The following C5 variants were observed in gnomAD, a reference collection of about 807,000 sequenced individuals.
C5 encodes complement C5.
In C5, 140 loss-of-function variants were observed where a neutral mutation model predicts 218.8. The ratio of observed to expected loss-of-function variants is 0.64; its 90% CI spans 0.56 to 0.74. The LOEUF is 0.74. C5 is among the 30% of genes least tolerant of loss of function. The pLI, the probability that C5 is intolerant of heterozygous loss-of-function variation, is 0.00. For missense variants in C5, 1,700 were observed against 1,969.6 expected, an observed-to-expected ratio of 0.86 and a Z score of 2.59; for synonymous variants, 614 against 682.3, an observed-to-expected ratio of 0.90 and a Z score of 1.56.
chr9:120,970,371 A>C lies in C5; in HGVS notation c.4081-120T>G, dbSNP rs565230736. On this transcript the variant is annotated intron_variant, in intron 31 of 40. Transcript: ENST00000223642. ...AAGGATCATTTTCATAATCCAGCAC[A>C]AATGGTGTACATTAGTGACTCATTT... is the stretch of plus-strand genomic sequence containing the variant. 3,969 of 732,668 alleles carry C rather than the reference A, an allele frequency of 5.4e-3. 163 individuals are homozygous for C. In the South Asian group the frequency reaches 0.056, roughly 10 times the overall value. The allele number at this position is 732,668 out of a possible 1,614,324, so 45.4% of individuals were successfully genotyped here.
At chr9:121,052,420 C>T (rs954093271), upstream of C5, among the ~76,000 whole-genome samples, 2 of 148,410 alleles carry the variant, frequency 1.3e-5, no homozygotes, top group Non-Finnish European at 3.0e-5. Context: ...CCACCGCACT[C>T]CAGCCTGAGC....
chr9:121,060,954 G>C, the C5 span, among the ~76,000 whole-genome samples: 3 of 152,088 alleles, frequency 2.0e-5, no homozygotes, highest in African/African-American at 7.2e-5. Context: ...TTGGGATGTC[G>C]AGGCAGGCAG....
At chr9:121,055,018 A>C (rs1241174287), upstream of C5, among the ~76,000 whole-genome samples, 1 of 152,128 alleles carries the variant, frequency 6.6e-6, no homozygotes, top group Non-Finnish European at 1.5e-5. Flanking sequence ...TTAAGCCTTT[A>C]GACAATAGCT....
chr9:120,960,948 T>C (rs889570309), intron 37 of C5, among the ~76,000 whole-genome samples: 9 of 152,182 alleles, frequency 5.9e-5, no homozygotes, highest in African/African-American at 2.2e-4. Flanking sequence ...AATGGCACAA[T>C]AAGTACCTAG....
At chr9:120,955,308 T>G (rs879351752) in intron 39 of C5, among the ~76,000 whole-genome samples, 2 of 152,166 alleles carry the variant, frequency 1.3e-5, no homozygotes, top group African/African-American at 2.4e-5. Context: ...AAATGCATCT[T>G]TGGATCTACA....
intron 20 of C5, chr9:120,999,535 C>A (rs1011588182): frequency 1.0e-5 from 2 of 190,830 alleles, no homozygotes; most frequent in African/African-American, 4.8e-5. Flanking sequence ...GACCTATGCA[C>A]AGCACAGATT....
chr9:121,037,830 C>G (rs1466036143), intron 4 of C5, 51 bp downstream of exon 4: 1 of 815,316 alleles, frequency 1.2e-6, no homozygotes, highest in South Asian at 1.7e-5. Flanking sequence ...AAATGAGATT[C>G]TTGTCCTGAA....
chr9:121,028,854 T>C (rs10156396), intron 7 of C5, among the ~76,000 whole-genome samples: 114,038 of 152,022 alleles, frequency 0.75, 43,220 homozygotes, highest in East Asian at 0.99. Flanking sequence ...ATAAATAAAG[T>C]GTCCTTCATG....
intron 38 of C5, among the ~76,000 whole-genome samples, chr9:120,959,260 CTTT>C (rs1564130646): frequency 1.7e-5 from 2 of 119,652 alleles, no homozygotes; most frequent in Non-Finnish European, 3.2e-5. Flanking sequence ...TTCTTTCTTT[CTTT>C]CTTTTTTTTT....
At chr9:121,055,079 A>G (rs1468284280), upstream of C5, among the ~76,000 whole-genome samples, 1 of 151,404 alleles carries the variant, frequency 6.6e-6, no homozygotes, top group Non-Finnish European at 1.5e-5. Context: ...CCCACCTATA[A>G]CTACTAAGTC....
intron 17 of C5, among the ~76,000 whole-genome samples, chr9:121,011,924 A>G (rs975881297): frequency 6.6e-6 from 1 of 152,166 alleles, no homozygotes; most frequent in Non-Finnish European, 1.5e-5. Flanking sequence ...GCTAAAAATC[A>G]AAACAATTTA....
In C5 at chr9:120,952,548, C is replaced by G; in HGVS notation, c.*191G>C. On this transcript the variant is annotated 3_prime_UTR_variant, in exon 41 of 41. Coordinates refer to ENST00000223642, the MANE Select transcript of C5 (RefSeq NM_001735.3). ...GTATCTGTCTTCATGCCCTCCAAGG[C>G]CATGTTATTTCAGAAAGTTACAGCA... 1 of 536,228 alleles carries G rather than the reference C, an allele frequency of 1.9e-6. No individual in the cohort carries two copies. The highest frequency in any genetic ancestry group is 3.3e-6 in the Non-Finnish European group (1 of 303,270). 33.2% of individuals were successfully genotyped at this position (536,228 alleles called of 1,614,324 possible). A position where few individuals can be genotyped will look rare whatever the true frequency, so the allele number is the denominator to read the frequency against.
chr9:120,996,201 C>G (rs1347416889), intron 22 of C5, 39 bp downstream of exon 22: 2 of 1,433,590 alleles, frequency 1.4e-6, no homozygotes, highest in Middle Eastern at 1.8e-4. Flanking sequence ...ACTTCTAAAG[C>G]AAAAGATAAC....
At chr9:120,956,012 G>A (rs1239048410) in intron 39 of C5, among the ~76,000 whole-genome samples, 1 of 152,044 alleles carries the variant, frequency 6.6e-6, no homozygotes, top group East Asian at 1.9e-4. Flanking sequence ...CAATCGAAAT[G>A]AGGCCAGGCA....
chr9:120,995,008 C>T (rs985967296), intron 22 of C5, among the ~76,000 whole-genome samples: 1 of 151,582 alleles, frequency 6.6e-6, no homozygotes, highest in African/African-American at 2.4e-5. Flanking sequence ...ACCCTTGAAA[C>T]TTGTAATATC....
At position 120,981,861 on chromosome 9, in the gene C5, C is replaced by A. The variant is rs764555226; in HGVS notation, c.3469G>T (p.Asp1157Tyr). 1 of 1,613,284 alleles carries A rather than the reference C, an allele frequency of 6.2e-7. No individual in the cohort carries two copies. The highest frequency in any genetic ancestry group is 1.1e-5 in the South Asian group (1 of 91,054). The change falls in exon 27 of 41, where the codon GAT (aspartate) becomes TAT (tyrosine). Residue 1157 changes from aspartate (D) to tyrosine (Y), a missense_variant. Coordinates refer to ENST00000223642, the MANE Select transcript of C5 (RefSeq NM_001735.3). Reference sequence around the variant, plus strand: ...TTACTTACCACCAGGGGGCATATATCGAAAGCCTTTCTAATTCCAATCACA... The same window carrying A: ...TTACTTACCACCAGGGGGCATATATAGAAAGCCTTTCTAATTCCAATCACA... ...FTVIGIRKAF[D>Y]ICPLVKIDTA... is the part of the protein sequence containing the mutation.
chr9:121,022,493 G>A (rs1176223155), intron 10 of C5, among the ~76,000 whole-genome samples: 1 of 148,472 alleles, frequency 6.7e-6, no homozygotes, highest in Non-Finnish European at 1.5e-5. Context: ...GTATATATAT[G>A]TAAGAACCTA....
chr9:121,029,947 T>A (rs1242088645), intron 7 of C5, among the ~76,000 whole-genome samples: 1 of 152,178 alleles, frequency 6.6e-6, no homozygotes, highest in Non-Finnish European at 1.5e-5. Flanking sequence ...GCTACATGGG[T>A]GAGCCCAGCT....
intron 22 of C5, among the ~76,000 whole-genome samples, chr9:120,995,740 A>G (rs1053841792): frequency 2.6e-5 from 4 of 151,496 alleles, no homozygotes; most frequent in Non-Finnish European, 4.4e-5. Context: ...TGGAATTATT[A>G]TTGTTGTGTC....
Sources: allele counts gnomAD v4.1 joint callset (sites outside exome capture counted in the v4.1 genomes callset), GRCh38; gene constraint gnomAD v4.1.1; transcripts MANE v1.5; gene names NCBI Gene and HGNC (gene_info 2026-07-23, HGNC 2026-07-21).